The following CMTM7 variants were observed in gnomAD, a reference collection of about 807,000 sequenced individuals.
CMTM7 encodes the protein CKLF-like MARVEL transmembrane domain-containing protein 7.
In CMTM7, 7 loss-of-function variants were observed where a neutral mutation model predicts 19.3. That is an observed-to-expected ratio of 0.36 (90% CI 0.21 to 0.68). The LOEUF (loss-of-function observed/expected upper bound fraction) is 0.68, where lower values mean the gene tolerates loss of function less well. Ranked by LOEUF, CMTM7 falls within the 30% of genes least tolerant of loss-of-function variation. CMTM7 has a pLI of 0.60. For missense variants in CMTM7, 193 were observed against 232.6 expected, an observed-to-expected ratio of 0.83 and a Z score of 1.11; for synonymous variants, 87 against 99.3, an observed-to-expected ratio of 0.88 and a Z score of 0.74.
intron 1 of CMTM7, among the ~76,000 whole-genome samples, chr3:32,437,270 T>C (rs749074939): frequency 2.0e-5 from 3 of 152,088 alleles, no homozygotes; most frequent in Non-Finnish European, 4.4e-5. Flanking sequence ...GACCCTTGCT[T>C]TGAGTTGAGG....
At chr3:32,423,258 A>G (rs1000222303) in intron 1 of CMTM7, among the ~76,000 whole-genome samples, 18 of 152,208 alleles carry the variant, frequency 1.2e-4, no homozygotes, top group African/African-American at 3.9e-4. Context: ...ATTGTCACAA[A>G]GCACACATTG....
chr3:32,416,394 T>TGAGACGGAG, intron 1 of CMTM7, among the ~76,000 whole-genome samples: 2 of 86,168 alleles, frequency 2.3e-5, no homozygotes, highest in African/African-American at 4.9e-5. Context: ...TTTTTTTTTT[T>TGAGACGGAG]TTTGAGACGG....
At chr3:32,396,470 G>A (rs1695920354) in intron 1 of CMTM7, among the ~76,000 whole-genome samples, 2 of 152,118 alleles carry the variant, frequency 1.3e-5, no homozygotes, top group South Asian at 4.1e-4. Flanking sequence ...TTGCGTGACT[G>A]TACTCTAACC....
At chr3:32,437,656 G>A (rs958993176) in intron 1 of CMTM7, among the ~76,000 whole-genome samples, 26 of 151,892 alleles carry the variant, frequency 1.7e-4, no homozygotes, top group Non-Finnish European at 3.2e-4. Flanking sequence ...ACTTTGGGAG[G>A]CCAAGGCATG....
intron 1 of CMTM7, among the ~76,000 whole-genome samples, chr3:32,438,070 A>G (rs1182176577): frequency 6.6e-6 from 1 of 152,186 alleles, no homozygotes; most frequent in East Asian, 1.9e-4. Context: ...TCTGTCTTCC[A>G]GGAGCCTCCC....
chr3:32,454,401 CAGGA>C lies in CMTM7; in HGVS notation c.*150_*153del. ...GGCCTGCACCCTCTTCCTGCTCTCC[CAGGA>C]AGCCAGCTCCCTGAGCTCCTGAGCC... On this transcript the variant is annotated 3_prime_UTR_variant, in exon 5 of 5. Coordinates refer to ENST00000334983, the MANE Select transcript of CMTM7 (RefSeq NM_138410.4). 3.1e-6 allele frequency: 3 copies of C among 960,128 alleles called. No individual in the cohort carries two copies. The highest frequency in any genetic ancestry group is 4.9e-6 in the Non-Finnish European group (3 of 607,608). The allele number at this position is 960,128 out of a possible 1,614,324, so 59.5% of individuals were successfully genotyped here.
At chr3:32,433,988 G>A (rs1299660007) in intron 1 of CMTM7, among the ~76,000 whole-genome samples, 1 of 152,024 alleles carries the variant, frequency 6.6e-6, no homozygotes, top group Non-Finnish European at 1.5e-5. Flanking sequence ...AGGAGTTTGA[G>A]ATCAGCCTGG....
intron 1 of CMTM7, among the ~76,000 whole-genome samples, chr3:32,399,272 T>A (rs867560799): frequency 2.0e-5 from 3 of 152,096 alleles, no homozygotes; most frequent in Middle Eastern, 3.4e-3. Context: ...TGTTTTTTTT[T>A]TTTTTTGGTT....
chr3:32,420,040 C>G (rs1020551204), intron 1 of CMTM7, among the ~76,000 whole-genome samples: 1 of 152,168 alleles, frequency 6.6e-6, no homozygotes, highest in Non-Finnish European at 1.5e-5. Flanking sequence ...GTATTTGAGT[C>G]CAGTAGCTAG....
intron 1 of CMTM7, among the ~76,000 whole-genome samples, chr3:32,402,089 GTTTA>G (rs762604170): frequency 1.3e-4 from 20 of 152,130 alleles, no homozygotes; most frequent in Admixed American, 8.5e-4. Context: ...GGTTTTGTTT[GTTTA>G]TTTGTTTGTT....
At chr3:32,399,478 G>C (rs1018034784) in intron 1 of CMTM7, among the ~76,000 whole-genome samples, 1 of 152,144 alleles carries the variant, frequency 6.6e-6, no homozygotes, top group South Asian at 2.1e-4. Context: ...CTTGGCAGGA[G>C]AGCGGGTCCT....
At chr3:32,402,625 T>A (rs373297322) in intron 1 of CMTM7, among the ~76,000 whole-genome samples, 1 of 152,038 alleles carries the variant, frequency 6.6e-6, no homozygotes, top group Non-Finnish European at 1.5e-5. Context: ...TGCAGTGGCA[T>A]GATCTCGGCT....
At chr3:32,425,422 T>A (rs989251237) in intron 1 of CMTM7, among the ~76,000 whole-genome samples, 1 of 151,850 alleles carries the variant, frequency 6.6e-6, no homozygotes, top group African/African-American at 2.4e-5. Context: ...AGTAAGACCC[T>A]AGCTGTATAT....
intron 1 of CMTM7, among the ~76,000 whole-genome samples, chr3:32,423,447 G>A (rs1696375568): frequency 6.6e-6 from 1 of 152,130 alleles, no homozygotes; most frequent in Admixed American, 6.5e-5. Context: ...CAGGGGTAGG[G>A]GCCGAGAGGA....
chr3:32,396,517 A>G (rs1374770504), intron 1 of CMTM7, among the ~76,000 whole-genome samples: 1 of 152,152 alleles, frequency 6.6e-6, no homozygotes, highest in Non-Finnish European at 1.5e-5. Context: ...AAAAACAACA[A>G]CAACAACAAC....
intron 1 of CMTM7, among the ~76,000 whole-genome samples, chr3:32,427,255 G>A (rs1479110789): frequency 6.6e-6 from 1 of 152,182 alleles, no homozygotes; most frequent in Non-Finnish European, 1.5e-5. Flanking sequence ...TTAATCTAAG[G>A]AGGGACAAAG....
chr3:32,428,896 C>G (rs1696472933), intron 1 of CMTM7, among the ~76,000 whole-genome samples: 1 of 152,188 alleles, frequency 6.6e-6, no homozygotes, highest in South Asian at 2.1e-4. Flanking sequence ...CCACCTGGCC[C>G]CACTCAGACA....
intron 1 of CMTM7, among the ~76,000 whole-genome samples, chr3:32,407,277 T>C (rs1017911102): frequency 6.6e-6 from 1 of 152,190 alleles, no homozygotes; most frequent in Non-Finnish European, 1.5e-5. Flanking sequence ...GGCAGCTGCC[T>C]TACAGATCTC....
chr3:32,426,475 T>C (rs1279331457), intron 1 of CMTM7, among the ~76,000 whole-genome samples: 2 of 152,214 alleles, frequency 1.3e-5, no homozygotes, highest in Non-Finnish European at 2.9e-5. Context: ...TCACCCATAA[T>C]GCCATGACCC....
Sources: gnomAD v4.1 joint callset for allele counts (sites outside exome capture counted in the v4.1 genomes callset) on GRCh38, gnomAD v4.1.1 for gene constraint, MANE v1.5 for transcripts, NCBI Gene and HGNC (gene_info 2026-07-23, HGNC 2026-07-21) for gene names.